Variants in PCDHGB7 observed in about 807,000 individuals in gnomAD.
The protein encoded by PCDHGB7 is protocadherin gamma-B7.
A neutral mutation model predicts 61.4 loss-of-function variants in PCDHGB7; 37 were observed. That is an observed-to-expected ratio of 0.60 (90% confidence interval 0.46 to 0.79). The LOEUF (loss-of-function observed/expected upper bound fraction) is 0.79. Among genes scored for constraint, PCDHGB7 ranks in the 30% least tolerant of loss-of-function variants. The pLI is 0.00. For synonymous variants in PCDHGB7, 464 were observed against 503.5 expected (o/e 0.92, Z 1.05); for missense variants, 1,166 against 1,202.5 (o/e 0.97, Z 0.45).
Position 141,477,203 on chromosome 5 carries a change from G to A in PCDHGB7, c.2416-17604G>A. The A allele has an allele frequency of 6.2e-7, 1 of 1,614,176 alleles. No individual in the cohort carries two copies. The highest frequency in any genetic ancestry group is 8.5e-7 in the Non-Finnish European group (1 of 1,180,050). ...CACCTCCGTGTACAGCCCAGTACCC[G>A]AGGATGCCCCTCTGGGGACTGTCAT... On this transcript the variant is annotated intron_variant, in intron 1 of 3. Coordinates refer to ENST00000398594, the MANE Select transcript of PCDHGB7 (RefSeq NM_018927.4). This position sits in a 1 kb window ranked among gnomAD's most constrained non-coding sequence, Gnocchi z 4.9.
In PCDHGB7 at chr5:141,489,399, C is replaced by A. The variant is rs2099686689; in HGVS notation, c.2416-5408C>A. On this transcript the variant is annotated intron_variant, in intron 1 of 3. Coordinates refer to ENST00000398594, the MANE Select transcript of PCDHGB7 (RefSeq NM_018927.4). The surrounding 1 kb of genome is among the most constrained non-coding windows in gnomAD (Gnocchi z 4.5). ...TGGGGAATGTTGCTCAGGATCTGGGCTTAAAGATGACAGATCTGTTGAGCC... is the reference window on the plus strand; with the variant it reads ...TGGGGAATGTTGCTCAGGATCTGGGATTAAAGATGACAGATCTGTTGAGCC... 1 of 1,614,024 alleles carries A rather than the reference C, an allele frequency of 6.2e-7. No homozygotes were observed. Among genetic ancestry groups the A allele is most frequent in the African/African-American group, 1.3e-5 (1 of 74,910 alleles).
At position 141,489,369 on chromosome 5, in the gene PCDHGB7, G is replaced by T; in HGVS notation, c.2416-5438G>T. ...TGGTGGAGGAGTCTGAGCCGGGGAC[G>T]CTGGTGGGGAATGTTGCTCAGGATC... On this transcript the variant is annotated intron_variant, in intron 1 of 3. Coordinates refer to ENST00000398594, the MANE Select transcript of PCDHGB7 (RefSeq NM_018927.4). This position sits in a 1 kb window ranked among gnomAD's most constrained non-coding sequence, Gnocchi z 4.5. 6.2e-7 allele frequency: 1 copy of T among 1,613,592 alleles called. No homozygotes were observed.
intron 2 of PCDHGB7, among the ~76,000 whole-genome samples, chr5:141,504,369 A>G (rs968327872): frequency 6.6e-5 from 10 of 152,272 alleles, no homozygotes; most frequent in Non-Finnish European, 1.2e-4. Context: ...AGTAGGAAGC[A>G]GGTGGAGTCG....
At chr5:141,464,611 A>G (rs2099087451) in intron 1 of PCDHGB7, among the ~76,000 whole-genome samples, 3 of 152,194 alleles carry the variant, frequency 2.0e-5, no homozygotes, top group African/African-American at 7.2e-5. Context: ...TTTGCAGAGT[A>G]TATTGTCAAG....
rs918375556 is a variant in PCDHGB7, at chr5:141,489,318, G to C, written c.2416-5489G>C. 6.3e-7 allele frequency: 1 copy of C among 1,598,974 alleles called. No individual in the cohort carries two copies. Among genetic ancestry groups the C allele is most frequent in the African/African-American group, 1.3e-5 (1 of 74,510 alleles). On this transcript the variant is annotated intron_variant, in intron 1 of 3. Coordinates refer to ENST00000398594, the MANE Select transcript of PCDHGB7 (RefSeq NM_018927.4). The surrounding 1 kb of genome is among the most constrained non-coding windows in gnomAD (Gnocchi z 4.5). ...TGTTGTCCTTGTGCTGCTGGGGCTG[G>C]GTGTCTGGGCAGCTTCGTTACTCAG...
At chr5:141,461,602 A>G (rs971808608) in intron 1 of PCDHGB7, among the ~76,000 whole-genome samples, 2 of 152,172 alleles carry the variant, frequency 1.3e-5, no homozygotes, top group African/African-American at 4.8e-5. Flanking sequence ...ATTATAATTT[A>G]GTTCAAAGTA....
At chr5:141,423,880 G>A in intron 1 of PCDHGB7, 1 of 1,282,292 alleles carries the variant, frequency 7.8e-7, no homozygotes, top group Middle Eastern at 2.9e-4. Context: ...TTTCAATCTT[G>A]GCATATTTTC....
Position 141,511,035 on chromosome 5 carries a change from C to A in PCDHGB7, c.2652C>A (p.His884Gln). Residue 884 changes from histidine to glutamine, a missense_variant, in exon 4 of 4, where the codon CAC becomes CAA. Physicochemically the swap from His to Gln is conservative, Grantham distance 24 (BLOSUM62 0). Transcript: ENST00000398594. The stretch of plus-strand genomic sequence containing the variant: ...ACGGACCCCAGTTCACCCTGCAGCA[C>A]GTGCCCGACTACCGCCAGAATGTCT... ...ARYGPQFTLQ[H>Q]VPDYRQNVYI... 2 of 1,614,208 alleles carry A rather than the reference C, an allele frequency of 1.2e-6. No individual in the cohort carries two copies. The highest frequency in any genetic ancestry group is 1.1e-5 in the South Asian group (1 of 91,088).
At chr5:141,423,240 A>G (rs1260661059) in intron 1 of PCDHGB7, 1 of 1,613,932 alleles carries the variant, frequency 6.2e-7, no homozygotes, top group Middle Eastern at 1.6e-4. Context: ...GCATCCCCGA[A>G]GTCCTGGCGG....
intron 1 of PCDHGB7, chr5:141,484,903 G>A: frequency 2.5e-6 from 1 of 407,434 alleles, no homozygotes; most frequent in Non-Finnish European, 4.4e-6. Context: ...CTCCAATGCT[G>A]CGACGCATTA....
Position 141,490,254 on chromosome 5 carries a change from G to A in PCDHGB7, c.2416-4553G>A. The A allele has an allele frequency of 6.2e-7, 1 of 1,614,236 alleles. No homozygotes were observed. Among genetic ancestry groups the A allele is most frequent in the Non-Finnish European group, 8.5e-7 (1 of 1,180,038 alleles). ...TGGAGGGCCACTGTGTGATTCAAGT[G>A]GATGTGGGGGATGTCAATGACAATG... On this transcript the variant is annotated intron_variant, in intron 1 of 3. Coordinates refer to ENST00000398594, the MANE Select transcript of PCDHGB7 (RefSeq NM_018927.4). The surrounding 1 kb of genome is among the most constrained non-coding windows in gnomAD (Gnocchi z 5.4).
Position 141,491,094 on chromosome 5 carries a change from G to C in PCDHGB7, c.2416-3713G>C, listed in dbSNP as rs1240705650. The C allele has an allele frequency of 1.9e-6, 3 of 1,614,202 alleles. No homozygotes were observed. Among genetic ancestry groups the C allele is most frequent in the Non-Finnish European group, 2.5e-6 (3 of 1,180,030 alleles). On this transcript the variant is annotated intron_variant, in intron 1 of 3. Coordinates refer to ENST00000398594, the MANE Select transcript of PCDHGB7 (RefSeq NM_018927.4). The surrounding 1 kb of genome is among the most constrained non-coding windows in gnomAD (Gnocchi z 6.9). The stretch of plus-strand genomic sequence containing the variant: ...TGCCACAGTCCACAGCCCCAGGACT[G>C]TTCCTCGTGTCTACACACACTGGTG...
At chr5:141,424,525 A>G (rs1010194490) in intron 1 of PCDHGB7, 2 of 152,196 alleles carry the variant, frequency 1.3e-5, no homozygotes, top group Non-Finnish European at 2.9e-5. Context: ...TAGTAAATCC[A>G]TATATAGAAA....
At chr5:141,421,582 G>A (rs531591776) in intron 1 of PCDHGB7, 4 of 1,613,874 alleles carry the variant, frequency 2.5e-6, no homozygotes, top group Non-Finnish European at 2.5e-6. Flanking sequence ...GAAGATTTAC[G>A]GAGTGGAGGT....
chr5:141,430,805 C>T (rs1445689047), intron 1 of PCDHGB7: 2 of 1,525,722 alleles, frequency 1.3e-6, no homozygotes, highest in Admixed American at 2.3e-5. Flanking sequence ...GCTTGTCCTG[C>T]TGGGAATCCT....
Position 141,476,292 on chromosome 5 carries a change from G to A in PCDHGB7, c.2416-18515G>A. The A allele has an allele frequency of 1.9e-6, 3 of 1,614,144 alleles. No homozygotes were observed. The highest frequency in any genetic ancestry group is 2.5e-6 in the Non-Finnish European group (3 of 1,180,016). On this transcript the variant is annotated intron_variant, in intron 1 of 3. Transcript: ENST00000398594. This position sits in a 1 kb window ranked among gnomAD's most constrained non-coding sequence, Gnocchi z 7.6. ...GTCGCGAACCTTGGTTTGGATCTCGGTAGCCTCTCAGCCCGCAGGTTCCGG... is the reference window on the plus strand; with the variant it reads ...GTCGCGAACCTTGGTTTGGATCTCGATAGCCTCTCAGCCCGCAGGTTCCGG...
At position 141,496,266 on chromosome 5, in the gene PCDHGB7, AAGACCTTC is replaced by A. The variant is rs2099767586; in HGVS notation, c.2474+1404_2474+1411del. Among the ~76,000 whole-genome samples the A allele has an allele frequency of 2.0e-5, 3 of 152,152 alleles. No homozygotes were observed. The South Asian group carries it at 6.2e-4, about 32-fold the overall frequency. Reference sequence around the variant, plus strand: ...TGAAGGGGAGGGAAACTTCAGCAGAAAGACCTTCAGTTGGTCTGAGCAGAGTGGGATAG... The same window carrying A: ...TGAAGGGGAGGGAAACTTCAGCAGAAAGTTGGTCTGAGCAGAGTGGGATAG... On this transcript the variant is annotated intron_variant, in intron 2 of 3. Coordinates refer to ENST00000398594, the MANE Select transcript of PCDHGB7 (RefSeq NM_018927.4).
chr5:141,456,888 G>A (rs376401806), intron 1 of PCDHGB7, among the ~76,000 whole-genome samples: 5 of 152,118 alleles, frequency 3.3e-5, no homozygotes, highest in Admixed American at 1.3e-4. Context: ...GCTTGAACCC[G>A]GGAGGCAGAG....
chr5:141,422,850 G>C (rs184432819), intron 1 of PCDHGB7: 30 of 1,614,086 alleles, frequency 1.9e-5, no homozygotes, highest in Middle Eastern at 1.6e-4. Flanking sequence ...GCGGGGACCC[G>C]CCCCTCAGCA....
Sources: allele counts gnomAD v4.1 joint callset (sites outside exome capture counted in the v4.1 genomes callset), GRCh38; gene constraint gnomAD v4.1.1; non-coding constraint Gnocchi (gnomAD v3.1); transcripts MANE v1.5; gene names NCBI Gene and HGNC (gene_info 2026-07-23, HGNC 2026-07-21).